LARGE1: variants seen among roughly 807,000 people sequenced by gnomAD.
LARGE1 encodes LARGE xylosyl- and glucuronyltransferase 1, also known as xylosyl- and glucuronyltransferase LARGE1.
Under a neutral mutation model 87.6 loss-of-function variants are expected in LARGE1, and 43 were observed. That is an observed-to-expected ratio of 0.49 (90% confidence interval 0.38 to 0.63). The LOEUF (loss-of-function observed/expected upper bound fraction) is 0.63. Ranked by LOEUF, LARGE1 falls within the 30% of genes least tolerant of loss-of-function variation. LARGE1 has a pLI of 0.00. For missense variants in LARGE1, 802 were observed against 1,000.2 expected (o/e 0.80, Z 2.67); for synonymous variants, 434 against 394.6 (o/e 1.10, Z -1.18).
chr22:33,569,369 A>G (rs2078126024), intron 5 of LARGE1, among the ~76,000 whole-genome samples: 1 of 152,208 alleles, frequency 6.6e-6, no homozygotes, highest in Non-Finnish European at 1.5e-5. Context: ...TTACACTGCA[A>G]AACAGGAAGA....
chr22:33,909,519 T>G (rs1210925780), intron 1 of LARGE1, among the ~76,000 whole-genome samples: 2 of 137,900 alleles, frequency 1.5e-5, no homozygotes, highest in Non-Finnish European at 3.1e-5. Flanking sequence ...AACTTCTTCT[T>G]TTGTTTTTTT....
intron 13 of LARGE1, among the ~76,000 whole-genome samples, chr22:33,281,059 G>A (rs1930348651): frequency 6.6e-6 from 1 of 152,180 alleles, no homozygotes; most frequent in African/African-American, 2.4e-5. Context: ...CTCAGAGGCT[G>A]AAGAGTTTGT....
intron 6 of LARGE1, among the ~76,000 whole-genome samples, chr22:33,518,770 C>T (rs942799794): frequency 2.6e-5 from 4 of 152,186 alleles, no homozygotes; most frequent in Admixed American, 2.0e-4. Flanking sequence ...AGTGTAACTG[C>T]ACCCCCTGAG....
At chr22:33,372,434 T>C (rs2064843720) in intron 9 of LARGE1, among the ~76,000 whole-genome samples, 1 of 151,990 alleles carries the variant, frequency 6.6e-6, no homozygotes, top group African/African-American at 2.4e-5. Context: ...GAAAAAGAGG[T>C]TTAAGGGACT....
intron 10 of LARGE1, among the ~76,000 whole-genome samples, chr22:33,319,646 G>A (rs1222893865): frequency 2.0e-5 from 3 of 152,054 alleles, no homozygotes; most frequent in Admixed American, 2.0e-4. Flanking sequence ...TCCACCCACC[G>A]AACCCTCCCA....
intron 2 of LARGE1, among the ~76,000 whole-genome samples, chr22:33,668,879 G>A (rs974828892): frequency 3.3e-5 from 5 of 152,182 alleles, no homozygotes; most frequent in African/African-American, 4.8e-5. Flanking sequence ...AGTATGTAAT[G>A]GCGTAAAAAG....
intron 11 of LARGE1, among the ~76,000 whole-genome samples, chr22:33,251,144 C>T (rs1282198458): frequency 6.6e-6 from 1 of 152,108 alleles, no homozygotes; most frequent in Non-Finnish European, 1.5e-5. Flanking sequence ...CCCTTGACAC[C>T]CTACACTACT....
chr22:33,533,877 C>T (rs894057096), intron 6 of LARGE1, among the ~76,000 whole-genome samples: 2 of 150,484 alleles, frequency 1.3e-5, no homozygotes, highest in African/African-American at 4.9e-5. Context: ...TTTCTTAGGA[C>T]ATTAATTTCA....
chr22:33,085,219 T>A, the LARGE1 span, among the ~76,000 whole-genome samples: 1 of 152,318 alleles, frequency 6.6e-6, no homozygotes, highest in South Asian at 2.1e-4. Flanking sequence ...AAGATTGCAG[T>A]GAGCCGAGAT....
chr22:33,698,360 G>C (rs1274783239), intron 2 of LARGE1, among the ~76,000 whole-genome samples: 1 of 144,442 alleles, frequency 6.9e-6, no homozygotes, highest in Non-Finnish European at 1.5e-5. Flanking sequence ...GAGTGCAGTG[G>C]TGTGATCTCT....
At chr22:33,368,118 A>G (rs1417583097) in intron 9 of LARGE1, among the ~76,000 whole-genome samples, 1 of 152,226 alleles carries the variant, frequency 6.6e-6, no homozygotes, top group Non-Finnish European at 1.5e-5. Flanking sequence ...AGAAGGATGT[A>G]TACTCTCAGA....
the LARGE1 span, among the ~76,000 whole-genome samples, chr22:33,138,310 G>T: frequency 2.0e-5 from 3 of 152,074 alleles, no homozygotes; most frequent in Non-Finnish European, 4.4e-5. Context: ...TTTCCATTTG[G>T]AACTGCCGTA....
chr22:33,290,278 C>T (rs886909606), intron 12 of LARGE1, among the ~76,000 whole-genome samples: 3 of 152,142 alleles, frequency 2.0e-5, no homozygotes, highest in Non-Finnish European at 2.9e-5. Context: ...GAAAGTGTCT[C>T]GGAAGACATA....
At chr22:33,462,472 A>C (rs1016499612) in intron 6 of LARGE1, among the ~76,000 whole-genome samples, 2 of 152,216 alleles carry the variant, frequency 1.3e-5, no homozygotes, top group Admixed American at 1.3e-4. Flanking sequence ...GCAACTTTAT[A>C]GATAAACATT....
chr22:33,684,912 T>C (rs1045288768), intron 2 of LARGE1, among the ~76,000 whole-genome samples: 4 of 152,194 alleles, frequency 2.6e-5, no homozygotes, highest in Admixed American at 1.3e-4. Context: ...TTCTTCAAGG[T>C]GATGAATGAT....
intron 1 of LARGE1, among the ~76,000 whole-genome samples, chr22:33,867,664 T>A (rs1422172645): frequency 1.3e-5 from 2 of 152,216 alleles, no homozygotes; most frequent in Non-Finnish European, 2.9e-5. Context: ...TGGAGCCACG[T>A]TGAATCACTG....
intron 11 of LARGE1, among the ~76,000 whole-genome samples, chr22:33,217,617 G>A (rs879551871): frequency 3.9e-5 from 6 of 152,118 alleles, no homozygotes; most frequent in African/African-American, 7.2e-5. Flanking sequence ...GCATGGGAAC[G>A]ATAAATACTA....
intron 1 of LARGE1, among the ~76,000 whole-genome samples, chr22:33,812,183 A>C (rs2086517448): frequency 6.6e-6 from 1 of 152,232 alleles, no homozygotes; most frequent in Non-Finnish European, 1.5e-5. Context: ...AGGGCACTTA[A>C]TAGCTAAGGT....
chr22:33,401,740 A>C (rs1173351967), intron 7 of LARGE1, among the ~76,000 whole-genome samples: 1 of 152,192 alleles, frequency 6.6e-6, no homozygotes, highest in African/African-American at 2.4e-5. Flanking sequence ...CAAGGAGAGA[A>C]GGGTGCGATA....
Sources: allele counts gnomAD v4.1 joint callset (sites outside exome capture counted in the v4.1 genomes callset), GRCh38; gene constraint gnomAD v4.1.1; transcripts MANE v1.5; gene names NCBI Gene and HGNC (gene_info 2026-07-23, HGNC 2026-07-21).